PLEKHM3: variants seen among roughly 807,000 people sequenced by gnomAD.
PLEKHM3 encodes pleckstrin homology domain containing M3.
In PLEKHM3, 45 loss-of-function variants were observed where a neutral mutation model predicts 81.8. The ratio of observed to expected loss-of-function variants is 0.55; its 90% confidence interval spans 0.43 to 0.71. The LOEUF is 0.71. PLEKHM3 is among the 30% of genes least tolerant of loss of function. PLEKHM3 has a pLI of 0.00. For synonymous variants in PLEKHM3, 352 were observed against 356.4 expected, an observed-to-expected ratio of 0.99 and a Z score of 0.14; for missense variants, 788 against 924.3, an observed-to-expected ratio of 0.85 and a Z score of 1.91.
At chr2:207,861,433 T>C (rs368617643) in intron 6 of PLEKHM3, among the ~76,000 whole-genome samples, 171 bp from the exon 7 acceptor site, 1 of 152,336 alleles carries the variant, frequency 6.6e-6, no homozygotes, top group East Asian at 1.9e-4. Context: ...AAAAGAACTT[T>C]CTGGTTTAAA....
rs769729622 is a variant in PLEKHM3 at position 207,828,372 on chromosome 2, C to T, written c.2233G>A (p.Glu745Lys). Reference sequence around the variant, plus strand: ...ATGGTGCAAGCCTCCTCTAGACTCTCGTCCATGTTCAGTCTCTGCCAGAAA... The same window carrying T: ...ATGGTGCAAGCCTCCTCTAGACTCTTGTCCATGTTCAGTCTCTGCCAGAAA... ...KSFWQRLNMD[E>K]SLEEACTMFE... The change falls in exon 8 of 8, where the codon GAG (glutamate) becomes AAG (lysine). Residue 745 changes from glutamate to lysine, a missense_variant. Coordinates refer to ENST00000427836, the MANE Select transcript of PLEKHM3 (RefSeq NM_001080475.3). The T allele has an allele frequency of 4.3e-6, 7 of 1,614,020 alleles. No homozygotes were observed. The highest frequency in any genetic ancestry group is 2.2e-5 in the East Asian group (1 of 44,870).
intron 1 of PLEKHM3, among the ~76,000 whole-genome samples, chr2:208,020,175 GC>G (rs2106130340): frequency 6.6e-6 from 1 of 152,048 alleles, no homozygotes; most frequent in South Asian, 2.1e-4. Flanking sequence ...ACTGGCTAAT[GC>G]GAGACAGAAG....
At chr2:207,949,295 C>G (rs1322856347) in intron 3 of PLEKHM3, among the ~76,000 whole-genome samples, 1 of 152,220 alleles carries the variant, frequency 6.6e-6, no homozygotes, top group African/African-American at 2.4e-5. Context: ...CACTTGTAAT[C>G]CTAGCACTTT....
At chr2:207,999,828 C>T (rs1014053036) in intron 2 of PLEKHM3, among the ~76,000 whole-genome samples, 1 of 152,180 alleles carries the variant, frequency 6.6e-6, no homozygotes, top group Non-Finnish European at 1.5e-5. Flanking sequence ...TCGGGTTACA[C>T]TTATAAGCTA....
chr2:207,888,585 G>A (rs1687955460), intron 6 of PLEKHM3, among the ~76,000 whole-genome samples: 1 of 152,074 alleles, frequency 6.6e-6, no homozygotes. Flanking sequence ...TAGTAGAGAC[G>A]GGGTTTCACC....
intron 6 of PLEKHM3, chr2:207,869,771 C>T (rs1449442915): frequency 6.6e-6 from 1 of 152,182 alleles, no homozygotes; most frequent in Non-Finnish European, 1.5e-5. Flanking sequence ...TCACTTTCCA[C>T]CATCCAGTCC....
intron 1 of PLEKHM3, among the ~76,000 whole-genome samples, chr2:208,012,034 CTTTAT>C (rs2106114493): frequency 6.6e-6 from 1 of 150,988 alleles, no homozygotes; most frequent in African/African-American, 2.4e-5. Flanking sequence ...TGATAAACTT[CTTTAT>C]TTTATTTATT....
At chr2:207,977,647 GAAACCACACAGATCAGGGCACAA>G (rs2106033787) in intron 2 of PLEKHM3, 61 bp from the exon 3 acceptor site, 1 of 1,425,452 alleles carries the variant, frequency 7.0e-7, no homozygotes, top group Non-Finnish European at 9.6e-7. Flanking sequence ...GCAGGCACAA[GAAACCACACAGATCAGGGCACAA>G]GAAACCACAC....
At chr2:207,989,290 G>T (rs1691821690) in intron 2 of PLEKHM3, among the ~76,000 whole-genome samples, 1 of 152,206 alleles carries the variant, frequency 6.6e-6, no homozygotes, top group Non-Finnish European at 1.5e-5. Flanking sequence ...GCAGCATAAA[G>T]TACTCAGAGC....
intron 4 of PLEKHM3, 68 bp downstream of exon 4, chr2:207,946,299 A>G: frequency 6.6e-7 from 1 of 1,525,464 alleles, no homozygotes; most frequent in South Asian, 1.2e-5. Flanking sequence ...CACCATCTTT[A>G]TAATCCACCT....
chr2:207,898,975 A>G (rs1469390239), intron 6 of PLEKHM3, among the ~76,000 whole-genome samples: 1 of 152,254 alleles, frequency 6.6e-6, no homozygotes, highest in East Asian at 1.9e-4. Flanking sequence ...TTTAGCCGGA[A>G]GTTCAAATAA....
intron 7 of PLEKHM3, among the ~76,000 whole-genome samples, chr2:207,839,805 C>T (rs112015684): frequency 0.025 from 3,796 of 152,186 alleles, 75 homozygotes; most frequent in African/African-American, 0.046. Context: ...TACACACCTA[C>T]GGTCCCAGCT....
At position 207,977,240 on chromosome 2, in the gene PLEKHM3, A is replaced by C. The variant is rs4441448; in HGVS notation, c.957T>G (p.Asn319Lys). ...CAAGCCCTGGTGAGATTGTCAGCTC[A>C]TTCTGCCGCCCCATGTAACCGGGCA... ...AAVPGYMGRQNELTISPGLGH... is the reference protein window; with the variant it reads ...AAVPGYMGRQKELTISPGLGH... The change falls in exon 3 of 8, where the codon AAT becomes AAG. Residue 319 changes from asparagine to lysine, a missense_variant. Transcript: ENST00000427836. 2 of 1,613,906 alleles carry C rather than the reference A, an allele frequency of 1.2e-6. No homozygotes were observed. The highest frequency in any genetic ancestry group is 2.2e-5 in the South Asian group (2 of 91,064).
rs2092258066 is a variant in PLEKHM3, at chr2:207,827,546, T to G, written c.*773A>C. The G allele has an allele frequency of 6.6e-6, 1 of 152,062 alleles. No individual in the cohort carries two copies. The highest frequency in any genetic ancestry group is 2.4e-5 in the African/African-American group (1 of 41,392). 9.4% of individuals were successfully genotyped at this position (152,062 alleles called of 1,614,324 possible). A position where few individuals can be genotyped will look rare whatever the true frequency, so the allele number is the denominator to read the frequency against. ...AAAACACGGTGGAGCGTCACATCAT[T>G]AGGTGGGTGATGGGATTAGTACCGA... On this transcript the variant is annotated 3_prime_UTR_variant, in exon 8 of 8. Transcript: ENST00000427836.
intron 7 of PLEKHM3, among the ~76,000 whole-genome samples, chr2:207,836,318 T>TAAAAAAAA (rs34489704): frequency 7.6e-6 from 1 of 131,854 alleles, no homozygotes; most frequent in Non-Finnish European, 1.6e-5. Flanking sequence ...AGAGAGAGTC[T>TAAAAAAAA]AAAAAAAAAA....
intron 3 of PLEKHM3, among the ~76,000 whole-genome samples, chr2:207,975,018 C>CG (rs1691258264): frequency 6.8e-6 from 1 of 148,142 alleles, no homozygotes; most frequent in Non-Finnish European, 1.5e-5. Flanking sequence ...TTAGTAGAGA[C>CG]GGGGTTTCAC....
Position 207,823,226 on chromosome 2 carries a change from A to G in PLEKHM3, c.*5093T>C, listed in dbSNP as rs1044716229. On this transcript the variant is annotated 3_prime_UTR_variant, in exon 8 of 8. Coordinates refer to ENST00000427836, the MANE Select transcript of PLEKHM3 (RefSeq NM_001080475.3). ...AGCAAAACAGCAGTTGTCTCACTTG[A>G]GTTTAGCAATGCTTTCCATCACACC... is the stretch of plus-strand genomic sequence containing the variant. The G allele has an allele frequency of 6.6e-6, 1 of 152,050 alleles. No individual in the cohort carries two copies. The highest frequency in any genetic ancestry group is 6.5e-5 in the Admixed American group (1 of 15,272). 9.4% of individuals were successfully genotyped at this position (152,050 alleles called of 1,614,324 possible).
At chr2:207,848,280 C>A (rs1291604555) in intron 7 of PLEKHM3, among the ~76,000 whole-genome samples, 1 of 152,158 alleles carries the variant, frequency 6.6e-6, no homozygotes, top group Non-Finnish European at 1.5e-5. Context: ...ATGAAAGTCT[C>A]TTTCAAAAAG....
intron 4 of PLEKHM3, among the ~76,000 whole-genome samples, chr2:207,944,222 T>C (rs1257890751): frequency 6.6e-6 from 1 of 152,152 alleles, no homozygotes; most frequent in African/African-American, 2.4e-5. Flanking sequence ...CAGGGGTGTG[T>C]TGTCAAAACC....
Sources: allele counts gnomAD v4.1 joint callset (sites outside exome capture counted in the v4.1 genomes callset), GRCh38; gene constraint gnomAD v4.1.1; transcripts MANE v1.5; gene names NCBI Gene and HGNC (gene_info 2026-07-23, HGNC 2026-07-21).